The following TNR variants were observed in gnomAD, a reference collection of about 807,000 sequenced individuals.
TNR encodes the protein tenascin-R.
In TNR, 45 loss-of-function variants were observed where a neutral mutation model predicts 150.4. That is an observed-to-expected ratio of 0.30 (90% CI 0.24 to 0.38). The LOEUF is 0.38. TNR is among the 10% of genes least tolerant of loss of function. TNR has a pLI of 1.00. For missense variants in TNR, 1,544 were observed against 1,759.1 expected (o/e 0.88, Z 2.19); for synonymous variants, 687 against 678.4 (o/e 1.01, Z -0.20).
chr1:175,401,509 T>C (rs574920605), intron 4 of TNR, among the ~76,000 whole-genome samples: 1 of 152,198 alleles, frequency 6.6e-6, no homozygotes, highest in African/African-American at 2.4e-5. Context: ...GGTGACAATA[T>C]TTTTAGAAAG....
chr1:175,429,037 C>T (rs1655139848), intron 2 of TNR, among the ~76,000 whole-genome samples: 1 of 152,182 alleles, frequency 6.6e-6, no homozygotes, highest in African/African-American at 2.4e-5. Flanking sequence ...TTAAGAGTTT[C>T]ATCCTTCCAT....
chr1:175,575,493 A>C (rs1662065848), intron 1 of TNR, among the ~76,000 whole-genome samples: 2 of 152,188 alleles, frequency 1.3e-5, no homozygotes, highest in Non-Finnish European at 2.9e-5. Context: ...CTGGTTGACG[A>C]ACACATGAGG....
chr1:175,550,662 C>T (rs1041543769), intron 1 of TNR, among the ~76,000 whole-genome samples: 1 of 151,850 alleles, frequency 6.6e-6, no homozygotes, highest in African/African-American at 2.4e-5. Flanking sequence ...GCTTTTTGTA[C>T]CTCTTTTATA....
chr1:175,347,531 G>A (rs1195099701), intron 18 of TNR, among the ~76,000 whole-genome samples: 1 of 151,994 alleles, frequency 6.6e-6, no homozygotes, highest in Non-Finnish European at 1.5e-5. Context: ...AGGGTCAAGC[G>A]ATTCTCCTGT....
chr1:175,646,033 G>T (rs1244964639), intron 1 of TNR, among the ~76,000 whole-genome samples: 2 of 152,214 alleles, frequency 1.3e-5, no homozygotes, highest in Non-Finnish European at 2.9e-5. Context: ...ATGCTCAGGT[G>T]CCAAGGCAAG....
intron 8 of TNR, 139 bp downstream of exon 8, chr1:175,385,893 T>G: frequency 2.0e-6 from 2 of 985,518 alleles, no homozygotes; most frequent in East Asian, 5.4e-5. Context: ...TCTTGCTTCC[T>G]TCTCGCGGTG....
intron 16 of TNR, among the ~76,000 whole-genome samples, chr1:175,356,069 C>T (rs723640): frequency 0.08 from 12,220 of 152,116 alleles, 572 homozygotes; most frequent in South Asian, 0.14. Context: ...AGATGCATTC[C>T]GAGTACAGAC....
chr1:175,483,709 C>A (rs1049928855), intron 2 of TNR, among the ~76,000 whole-genome samples: 3 of 152,194 alleles, frequency 2.0e-5, no homozygotes, highest in African/African-American at 7.2e-5. Context: ...GATGTCGGGC[C>A]TTGAAGGGCT....
At chr1:175,693,985 T>C (rs539791602) in intron 1 of TNR, among the ~76,000 whole-genome samples, 1 of 152,352 alleles carries the variant, frequency 6.6e-6, no homozygotes, top group African/African-American at 2.4e-5. Flanking sequence ...AGTAGAAGAA[T>C]AAGCCTTCAA....
At chr1:175,535,512 G>A (rs1241100499) in intron 1 of TNR, among the ~76,000 whole-genome samples, 1 of 152,014 alleles carries the variant, frequency 6.6e-6, no homozygotes, top group Non-Finnish European at 1.5e-5. Flanking sequence ...CCAGGCTGGA[G>A]TGCAGTGGCG....
chr1:175,451,220 G>T (rs558576784), intron 2 of TNR, among the ~76,000 whole-genome samples: 18,594 of 120,680 alleles, frequency 0.15, 1,566 homozygotes, highest in East Asian at 0.41. Context: ...TTTTTTTAAT[G>T]TTTTTATTTT....
intron 1 of TNR, among the ~76,000 whole-genome samples, chr1:175,688,103 C>G (rs1302371638): frequency 6.6e-6 from 1 of 152,260 alleles, no homozygotes; most frequent in Non-Finnish European, 1.5e-5. Context: ...AGGAAACTGA[C>G]TTCTAATGAG....
rs567935969 is a variant in TNR at position 175,473,799 on chromosome 1, C to T, written c.-64+54470G>A. On this transcript the variant is annotated intron_variant, in intron 2 of 22. Transcript: ENST00000367674. ...TGCACTCTTTAATGTACAATCTACC[C>T]GGAAAGATCAATGGCAGCTTAACAT... 1.2e-4 allele frequency among the ~76,000 whole-genome samples: 19 copies of T among 152,282 alleles called. 1 individual carries two copies. Among genetic ancestry groups the T allele is most frequent in the South Asian group, 1.0e-3 (5 of 4,822 alleles).
chr1:175,606,258 G>A (rs1182154149), intron 1 of TNR, among the ~76,000 whole-genome samples: 1 of 152,134 alleles, frequency 6.6e-6, no homozygotes, highest in Non-Finnish European at 1.5e-5. Context: ...GAATAATTCT[G>A]TTTTCTACTG....
rs1651772612 is a variant in TNR, at chr1:175,365,122, G to T, written c.2475C>A (p.Thr825=). 2 of 1,613,972 alleles carry T rather than the reference G, an allele frequency of 1.2e-6. No individual in the cohort carries two copies. The highest frequency in any genetic ancestry group is 2.7e-5 in the African/African-American group (2 of 74,890). Residue 825 remains threonine (T), a synonymous_variant, in exon 12 of 23, where the codon ACC becomes ACA. Transcript: ENST00000367674. ...EEMMEVSLDA[T]KRHAVLMGLQ... Reference sequence around the variant, plus strand: ...GGCCCATCAGGACAGCATGCCTCTTGGTGGCATCCAGGGAGACCTCCATCA... The same window carrying T: ...GGCCCATCAGGACAGCATGCCTCTTTGTGGCATCCAGGGAGACCTCCATCA...
chr1:175,696,872 T>G (rs959828408), intron 1 of TNR, among the ~76,000 whole-genome samples: 88 of 106,274 alleles, frequency 8.3e-4, no homozygotes, highest in Non-Finnish European at 2.0e-4. Flanking sequence ...AGAGCGAAAC[T>G]CCATCTCAAA....
chr1:175,412,428 T>C (rs1313593096), intron 2 of TNR, among the ~76,000 whole-genome samples: 1 of 152,166 alleles, frequency 6.6e-6, no homozygotes, highest in East Asian at 1.9e-4. Flanking sequence ...AGGAGGCTTG[T>C]TTGATGGCTC....
chr1:175,696,337 T>C (rs1205141318), intron 1 of TNR, among the ~76,000 whole-genome samples: 1 of 151,688 alleles, frequency 6.6e-6, no homozygotes, highest in African/African-American at 2.4e-5. Context: ...TCCTCCTTTT[T>C]ACAGCTGTAG....
chr1:175,640,301 T>C (rs192259697), intron 1 of TNR, among the ~76,000 whole-genome samples: 80 of 152,340 alleles, frequency 5.3e-4, no homozygotes, highest in Non-Finnish European at 9.9e-4. Context: ...CAGGCAAACA[T>C]TGAGCACATC....
Sources: allele counts gnomAD v4.1 joint callset (sites outside exome capture counted in the v4.1 genomes callset), GRCh38; gene constraint gnomAD v4.1.1; transcripts MANE v1.5; gene names NCBI Gene and HGNC (gene_info 2026-07-23, HGNC 2026-07-21).